Variants in PDE1A observed in about 807,000 individuals in gnomAD.
The protein encoded by PDE1A is dual specificity calcium/calmodulin-dependent 3',5'-cyclic nucleotide phosphodiesterase 1A.
In PDE1A, 35 loss-of-function variants were observed where a neutral mutation model predicts 61.7. The observed-to-expected ratio is 0.57, with a 90% CI of 0.43 to 0.75. The LOEUF is 0.75. PDE1A is among the 30% of genes least tolerant of loss of function. The probability of loss-of-function intolerance (pLI) is 0.00; values close to 1 mark genes in which losing one functional copy is unlikely to be tolerated. For synonymous variants in PDE1A, 232 were observed against 213.2 expected, an observed-to-expected ratio of 1.09 and a Z score of -0.77; for missense variants, 597 against 630.6, an observed-to-expected ratio of 0.95 and a Z score of 0.57.
intron 2 of PDE1A, among the ~76,000 whole-genome samples, chr2:182,247,138 T>A (rs1691033705): frequency 6.6e-6 from 1 of 152,208 alleles, no homozygotes; most frequent in African/African-American, 2.4e-5. Context: ...GATTAAGTTG[T>A]TCCTGAATAA....
At chr2:182,193,160 G>C (rs1365458174) in intron 10 of PDE1A, among the ~76,000 whole-genome samples, 1 of 151,786 alleles carries the variant, frequency 6.6e-6, no homozygotes, top group Non-Finnish European at 1.5e-5. Context: ...GCTAATTTTT[G>C]TATTTTTAGT....
At chr2:182,188,431 G>A (rs75998985) in intron 11 of PDE1A, among the ~76,000 whole-genome samples, 1,706 of 152,318 alleles carry the variant, frequency 0.011, 23 homozygotes, top group Middle Eastern at 0.041. Context: ...TGCAACACAT[G>A]TTTTAATAAT....
the PDE1A span, among the ~76,000 whole-genome samples, chr2:182,609,667 C>T: frequency 6.6e-6 from 1 of 152,230 alleles, no homozygotes; most frequent in African/African-American, 2.4e-5. Flanking sequence ...GGACACACTG[C>T]CTTTAAGAAC....
At chr2:182,329,140 G>A (rs1697235563) in intron 1 of PDE1A, among the ~76,000 whole-genome samples, 1 of 152,088 alleles carries the variant, frequency 6.6e-6, no homozygotes, top group Admixed American at 6.5e-5. Context: ...TCCTATGGCT[G>A]TCTTTACCAG....
intron 7 of PDE1A, among the ~76,000 whole-genome samples, chr2:182,209,693 C>A (rs1685414289): frequency 6.6e-6 from 1 of 151,800 alleles, no homozygotes; most frequent in African/African-American, 2.4e-5. Context: ...GAAAAGTGTG[C>A]AGCACTTCCC....
At chr2:182,328,938 C>T (rs978813218) in intron 1 of PDE1A, among the ~76,000 whole-genome samples, 2 of 152,124 alleles carry the variant, frequency 1.3e-5, no homozygotes, top group Non-Finnish European at 2.9e-5. Flanking sequence ...TCTAGAGTTC[C>T]AAGAACTCTA....
At chr2:182,227,000 A>G (rs1689194685) in intron 6 of PDE1A, among the ~76,000 whole-genome samples, 1 of 152,022 alleles carries the variant, frequency 6.6e-6, no homozygotes, top group African/African-American at 2.4e-5. Context: ...TTTTATGCCT[A>G]TGTTGCAGAA....
chr2:182,401,928 C>G (rs1702021187), intron 1 of PDE1A, among the ~76,000 whole-genome samples: 1 of 152,074 alleles, frequency 6.6e-6, no homozygotes, highest in East Asian at 1.9e-4. Context: ...TTCACAATTA[C>G]TACAAAGAAA....
rs546042610 is a variant in PDE1A, at chr2:182,386,288, G to T, written c.53+40290C>A. Among the ~76,000 whole-genome samples the T allele has an allele frequency of 5.3e-5, 8 of 151,240 alleles. No individual in the cohort carries two copies. The South Asian group carries it at 1.5e-3, about 28-fold the overall frequency. The stretch of plus-strand genomic sequence containing the variant: ...CCACCCCGTCTGGGAAGTGAGGAGC[G>T]TCTCTGCTTGGCCGCCCATCATCTG... On this transcript the variant is annotated intron_variant, in intron 1 of 13. Coordinates refer to ENST00000351439, the Ensembl canonical transcript of PDE1A.
At chr2:182,476,968 A>G (rs890284583) in intron 2 of PDE1A, among the ~76,000 whole-genome samples, 2 of 151,830 alleles carry the variant, frequency 1.3e-5, no homozygotes, top group African/African-American at 2.4e-5. Flanking sequence ...TACATGACAC[A>G]TTTTGCCTCA....
intron 8 of PDE1A, among the ~76,000 whole-genome samples, chr2:182,201,995 C>G (rs920374203): frequency 6.6e-6 from 1 of 152,132 alleles, no homozygotes; most frequent in African/African-American, 2.4e-5. Context: ...TTGCCAGCAG[C>G]GAGAATGGCA....
At chr2:182,276,735 A>G (rs1190553974) in intron 1 of PDE1A, among the ~76,000 whole-genome samples, 1 of 152,088 alleles carries the variant, frequency 6.6e-6, no homozygotes, top group African/African-American at 2.4e-5. Flanking sequence ...GCCTATAAAC[A>G]GAGGTGCAAG....
intron 7 of PDE1A, among the ~76,000 whole-genome samples, chr2:182,211,969 C>T (rs1687640181): frequency 6.6e-6 from 1 of 151,894 alleles, no homozygotes; most frequent in Non-Finnish European, 1.5e-5. Context: ...TTCTCTCTTC[C>T]CAAGATTCAT....
At chr2:182,310,602 C>G (rs764994528) in intron 1 of PDE1A, among the ~76,000 whole-genome samples, 6 of 152,084 alleles carry the variant, frequency 3.9e-5, no homozygotes, top group Non-Finnish European at 8.8e-5. Context: ...ATGTATTTAA[C>G]GCAAATTTAT....
chr2:182,219,866 T>G (rs1233563728), intron 7 of PDE1A, among the ~76,000 whole-genome samples: 3 of 152,140 alleles, frequency 2.0e-5, no homozygotes, highest in Admixed American at 6.6e-5. Context: ...AATAATCATT[T>G]TACTATCTGT....
At chr2:182,562,010 A>C in the PDE1A span, among the ~76,000 whole-genome samples, 2,087 of 151,502 alleles carry the variant, frequency 0.014, 48 homozygotes, top group African/African-American at 0.047. Flanking sequence ...AAACAGGGAC[A>C]ATTTGACTTC....
At chr2:182,605,825 A>C in the PDE1A span, among the ~76,000 whole-genome samples, 1 of 152,224 alleles carries the variant, frequency 6.6e-6, no homozygotes. Flanking sequence ...GCTTCGAACT[A>C]AATGTTAATG....
chr2:182,305,589 T>G (rs889622088), intron 1 of PDE1A, among the ~76,000 whole-genome samples: 2 of 152,122 alleles, frequency 1.3e-5, no homozygotes, highest in East Asian at 3.8e-4. Flanking sequence ...CAAGAGATTA[T>G]CAGTAGCTCT....
intron 4 of PDE1A, 82 bp downstream of exon 4, chr2:182,234,350 C>T: frequency 1.1e-6 from 1 of 872,692 alleles, no homozygotes; most frequent in Non-Finnish European, 1.9e-6. Flanking sequence ...CAGTAAAGAC[C>T]TATTCTCATT....
Sources: gnomAD v4.1 joint callset for allele counts (sites outside exome capture counted in the v4.1 genomes callset) on GRCh38, gnomAD v4.1.1 for gene constraint, MANE v1.5 for transcripts, NCBI Gene and HGNC (gene_info 2026-07-23, HGNC 2026-07-21) for gene names.